GPBP1: variants seen among roughly 807,000 people sequenced by gnomAD.
GPBP1 encodes the protein vasculin.
In GPBP1, 13 loss-of-function variants were observed where a neutral mutation model predicts 56.5. The ratio of observed to expected loss-of-function variants is 0.23; its 90% CI spans 0.15 to 0.37. The LOEUF is 0.37. Among genes scored for constraint, GPBP1 ranks in the 10% least tolerant of loss-of-function variants. The probability of loss-of-function intolerance (pLI) is 1.00; values close to 1 mark genes in which losing one functional copy is unlikely to be tolerated. For missense variants in GPBP1, 477 were observed against 572.3 expected (o/e 0.83, Z 1.70); for synonymous variants, 204 against 188.9 (o/e 1.08, Z -0.66).
intron 10 of GPBP1, among the ~76,000 whole-genome samples, chr5:57,253,769 C>T (rs1037358395): frequency 6.6e-6 from 1 of 150,918 alleles, no homozygotes; most frequent in African/African-American, 2.5e-5. Flanking sequence ...ATGGCTGCCC[C>T]CTTAAAAACA....
At chr5:57,220,548 C>T (rs745611085) in intron 3 of GPBP1, among the ~76,000 whole-genome samples, 20 of 151,680 alleles carry the variant, frequency 1.3e-4, no homozygotes, top group African/African-American at 4.4e-4. Flanking sequence ...TAACCTCTGC[C>T]CCCCAGGTTC....
intron 10 of GPBP1, among the ~76,000 whole-genome samples, chr5:57,255,255 C>G (rs1741606695): frequency 6.6e-6 from 1 of 152,066 alleles, no homozygotes; most frequent in African/African-American, 2.4e-5. Context: ...CCTCTCTTTC[C>G]TTTCCTCTTC....
chr5:57,239,321 G>A (rs1740705732), intron 6 of GPBP1, among the ~76,000 whole-genome samples: 1 of 152,138 alleles, frequency 6.6e-6, no homozygotes, highest in South Asian at 2.1e-4. Context: ...TTTGTGAAAT[G>A]CATTTCTTTA....
At chr5:57,222,410 T>C (rs1457851406) in intron 3 of GPBP1, among the ~76,000 whole-genome samples, 1 of 152,240 alleles carries the variant, frequency 6.6e-6, no homozygotes, top group Non-Finnish European at 1.5e-5. Context: ...AAGTTTTTTT[T>C]CTTGATTATT....
In GPBP1 at chr5:57,237,288, T is replaced by G. The variant is rs913924498; in HGVS notation, c.478+1256T>G. 6.4e-6 allele frequency: 5 copies of G among 783,194 alleles called. No individual in the cohort carries two copies. The African/African-American group carries it at 8.7e-5, about 14-fold the overall frequency. The allele number at this position is 783,194 out of a possible 1,614,324, so 48.5% of individuals were successfully genotyped here. On this transcript the variant is annotated intron_variant, in intron 6 of 11. Transcript: ENST00000506184. ...AAATTAGGAATAATTTGGATTTGAT[T>G]AGAATGAAAGTTTTAAAAATCAAGA... is the stretch of plus-strand genomic sequence containing the variant.
chr5:57,177,741 T>A (rs750838431), intron 2 of GPBP1, among the ~76,000 whole-genome samples: 1 of 145,996 alleles, frequency 6.8e-6, no homozygotes, highest in Non-Finnish European at 1.5e-5. Flanking sequence ...CCTCAGGTGA[T>A]CCTTGCGCCT....
chr5:57,221,529 G>GA (rs768818226), intron 3 of GPBP1: 14 of 581,928 alleles, frequency 2.4e-5, no homozygotes, highest in Admixed American at 6.9e-5. Context: ...ATTGTTTGAT[G>GA]AAAGATTTCG....
In GPBP1 at chr5:57,263,713, C is replaced by T. The variant is rs1355809596; in HGVS notation, c.*961C>T. 2.0e-5 allele frequency: 3 copies of T among 152,024 alleles called. No individual in the cohort carries two copies. Among genetic ancestry groups the T allele is most frequent in the African/African-American group, 4.8e-5 (2 of 41,394 alleles). The allele number at this position is 152,024 out of a possible 1,614,324, so 9.4% of individuals were successfully genotyped here. A position where few individuals can be genotyped will look rare whatever the true frequency, so the allele number is the denominator to read the frequency against. ...TTACTAAAGATGGTGATTACTTTTC[C>T]GAGGTCAGAAAAGGAAAGCTAAGCG... On this transcript the variant is annotated 3_prime_UTR_variant, in exon 12 of 12. Transcript: ENST00000506184.
At chr5:57,259,006 G>A (rs1741779752) in intron 10 of GPBP1, among the ~76,000 whole-genome samples, 1 of 152,212 alleles carries the variant, frequency 6.6e-6, no homozygotes, top group Non-Finnish European at 1.5e-5. Context: ...AATAGTCTCT[G>A]TATTAGGTGT....
chr5:57,229,947 C>CGTCCCGTCCCGTCCCGTCCCGTCCT (rs1756372965), intron 3 of GPBP1, among the ~76,000 whole-genome samples: 1 of 138,448 alleles, frequency 7.2e-6, no homozygotes, highest in Admixed American at 7.1e-5. Context: ...CATCGCGTCC[C>CGTCCCGTCCCGTCCCGTCCCGTCCT]GTCCCGTCCC....
At chr5:57,197,496 T>C (rs1273645759) in intron 2 of GPBP1, among the ~76,000 whole-genome samples, 1 of 151,904 alleles carries the variant, frequency 6.6e-6, no homozygotes, top group African/African-American at 2.4e-5. Flanking sequence ...TAGCTGGGAT[T>C]ACAGGTGCCT....
intron 2 of GPBP1, among the ~76,000 whole-genome samples, chr5:57,186,555 C>G (rs1026998638): frequency 6.6e-6 from 1 of 151,780 alleles, no homozygotes; most frequent in African/African-American, 2.4e-5. Context: ...GCATGTGGTG[C>G]GATAAAAAGA....
intron 10 of GPBP1, 56 bp downstream of exon 10, chr5:57,251,197 TTA>T (rs1163379629): frequency 4.3e-6 from 6 of 1,410,720 alleles, no homozygotes; most frequent in Non-Finnish European, 3.9e-6. Flanking sequence ...GATTTCAATA[TTA>T]TAGAGTTTTT....
At chr5:57,200,714 C>T (rs746702730) in intron 2 of GPBP1, among the ~76,000 whole-genome samples, 9 of 151,852 alleles carry the variant, frequency 5.9e-5, no homozygotes, top group Non-Finnish European at 1.2e-4. Flanking sequence ...AAGGGATACA[C>T]TCCGTTGCCC....
At chr5:57,191,709 G>A (rs570485884) in intron 2 of GPBP1, among the ~76,000 whole-genome samples, 25 of 151,978 alleles carry the variant, frequency 1.6e-4, no homozygotes, top group East Asian at 1.6e-3. Flanking sequence ...CTACAGATGC[G>A]CATCACCACA....
intron 2 of GPBP1, among the ~76,000 whole-genome samples, chr5:57,203,634 G>T (rs926666310): frequency 1.2e-4 from 18 of 152,162 alleles, no homozygotes; most frequent in African/African-American, 3.9e-4. Flanking sequence ...GACAGAGCAA[G>T]ATTCTGTCTC....
chr5:57,209,113 T>G (rs911372027), intron 2 of GPBP1, among the ~76,000 whole-genome samples: 1 of 152,218 alleles, frequency 6.6e-6, no homozygotes, highest in African/African-American at 2.4e-5. Context: ...CCTAATTTCT[T>G]TTTTGGATTG....
chr5:57,258,847 C>G (rs1051462466), intron 10 of GPBP1, among the ~76,000 whole-genome samples: 1 of 152,204 alleles, frequency 6.6e-6, no homozygotes. Flanking sequence ...AGTAGAAATA[C>G]TTGCCTTCTG....
At chr5:57,188,251 A>G (rs1034728955) in intron 2 of GPBP1, among the ~76,000 whole-genome samples, 1 of 151,910 alleles carries the variant, frequency 6.6e-6, no homozygotes, top group Non-Finnish European at 1.5e-5. Flanking sequence ...CTCAAAAAAA[A>G]AAAAATGGTT....
Sources: allele counts gnomAD v4.1 joint callset (sites outside exome capture counted in the v4.1 genomes callset), GRCh38; gene constraint gnomAD v4.1.1; transcripts MANE v1.5; gene names NCBI Gene and HGNC (gene_info 2026-07-23, HGNC 2026-07-21).